The following RABGAP1L variants were observed in gnomAD, a reference collection of about 807,000 sequenced individuals.
RABGAP1L encodes rab GTPase-activating protein 1-like.
Under a neutral mutation model 137.7 loss-of-function variants are expected in RABGAP1L, and 63 were observed. The observed-to-expected ratio is 0.46, with a 90% CI of 0.37 to 0.56. The LOEUF (loss-of-function observed/expected upper bound fraction) is 0.56, where lower values mean the gene tolerates loss of function less well. Ranked by LOEUF, RABGAP1L falls within the 20% of genes least tolerant of loss-of-function variation. The pLI is 0.00. For synonymous variants in RABGAP1L, 431 were observed against 433.7 expected (o/e 0.99, Z 0.08); for missense variants, 1,095 against 1,244.0 (o/e 0.88, Z 1.80).
intron 14 of RABGAP1L, among the ~76,000 whole-genome samples, chr1:174,664,945 C>T (rs1331401999): frequency 6.6e-6 from 1 of 152,030 alleles, no homozygotes; most frequent in Non-Finnish European, 1.5e-5. Flanking sequence ...CCATGTTGGT[C>T]AGGCTGGTCT....
At chr1:174,311,052 T>C (rs892780159) in intron 11 of RABGAP1L, among the ~76,000 whole-genome samples, 1 of 152,100 alleles carries the variant, frequency 6.6e-6, no homozygotes, top group African/African-American at 2.4e-5. Flanking sequence ...CTGCAACCCA[T>C]CACTACTATT....
chr1:174,733,841 G>A (rs899780480), intron 17 of RABGAP1L, among the ~76,000 whole-genome samples: 4 of 152,178 alleles, frequency 2.6e-5, no homozygotes, highest in Non-Finnish European at 4.4e-5. Context: ...AGGCTGTGGG[G>A]GGTCAAGAGC....
At chr1:174,224,293 T>C (rs748688211) in intron 3 of RABGAP1L, among the ~76,000 whole-genome samples, 2 of 152,082 alleles carry the variant, frequency 1.3e-5, no homozygotes, top group Non-Finnish European at 2.9e-5. Context: ...CTGGCCAACA[T>C]GGTGACACCC....
chr1:174,949,898 C>T (rs1045642170), intron 19 of RABGAP1L, among the ~76,000 whole-genome samples: 3 of 152,180 alleles, frequency 2.0e-5, no homozygotes, highest in African/African-American at 7.2e-5. Flanking sequence ...GGGACCACAG[C>T]TTATACTAGA....
intron 14 of RABGAP1L, among the ~76,000 whole-genome samples, chr1:174,665,493 T>A (rs1291895228): frequency 6.7e-6 from 1 of 148,556 alleles, no homozygotes; most frequent in Non-Finnish European, 1.5e-5. Flanking sequence ...TCTTGCTCTG[T>A]TGCCCATGCT....
chr1:174,948,599 C>T (rs1013834140), intron 19 of RABGAP1L: 1 of 151,216 alleles, frequency 6.6e-6, no homozygotes, highest in Non-Finnish European at 1.5e-5. Context: ...CCCATTTTAC[C>T]TGATTTGATT....
rs543986961 is a variant in RABGAP1L, at chr1:174,991,191, A to G, written c.*1190A>G. 2 of 152,356 alleles carry G rather than the reference A, an allele frequency of 1.3e-5. No homozygotes were observed. The highest frequency in any genetic ancestry group is 4.1e-4 in the South Asian group (2 of 4,830). 9.4% of individuals were successfully genotyped at this position (152,356 alleles called of 1,614,324 possible). A position where few individuals can be genotyped will look rare whatever the true frequency, so the allele number is the denominator to read the frequency against. On this transcript the variant is annotated 3_prime_UTR_variant, in exon 26 of 26. Coordinates refer to ENST00000681986, the MANE Select transcript of RABGAP1L (RefSeq NM_001366446.1). Reference sequence around the variant, plus strand: ...AAAAATTAGTGGAAATATTTTTTCAATTATATTTAACATGCCTATAAAAAT... The same window carrying G: ...AAAAATTAGTGGAAATATTTTTTCAGTTATATTTAACATGCCTATAAAAAT...
At chr1:174,835,038 G>A (rs1221534900) in intron 19 of RABGAP1L, among the ~76,000 whole-genome samples, 1 of 152,132 alleles carries the variant, frequency 6.6e-6, no homozygotes, top group African/African-American at 2.4e-5. Context: ...ACTTGGATTA[G>A]AGGAAACTGG....
chr1:174,327,984 C>CATATATATATATGTGT (rs1314813386), intron 11 of RABGAP1L, among the ~76,000 whole-genome samples: 1 of 37,876 alleles, frequency 2.6e-5, no homozygotes, highest in African/African-American at 1.1e-4. Flanking sequence ...TATATACACA[C>CATATATATATATGTGT]ACATATATAT....
intron 11 of RABGAP1L, among the ~76,000 whole-genome samples, chr1:174,348,914 G>T (rs574945174): frequency 1.3e-5 from 2 of 152,174 alleles, no homozygotes; most frequent in African/African-American, 2.4e-5. Context: ...CGCCTTTCCC[G>T]CCTTTCTATT....
At chr1:174,686,721 A>T (rs1232245744) in intron 15 of RABGAP1L, among the ~76,000 whole-genome samples, 1 of 140,860 alleles carries the variant, frequency 7.1e-6, no homozygotes, top group Admixed American at 8.0e-5. Flanking sequence ...CAGTGGTGCA[A>T]TCTCAGCTCA....
chr1:174,573,752 T>G (rs1234695358), intron 13 of RABGAP1L, among the ~76,000 whole-genome samples: 1 of 118,888 alleles, frequency 8.4e-6, no homozygotes, highest in East Asian at 2.2e-4. Flanking sequence ...TAATAAACTA[T>G]TGAATGCAAA....
chr1:174,554,319 C>G (rs1666739038), intron 13 of RABGAP1L, among the ~76,000 whole-genome samples: 1 of 152,184 alleles, frequency 6.6e-6, no homozygotes, highest in Non-Finnish European at 1.5e-5. Context: ...GTTGAACCTA[C>G]TTAATCTGAA....
At chr1:174,895,041 G>A (rs1380826076) in intron 19 of RABGAP1L, among the ~76,000 whole-genome samples, 8 of 152,178 alleles carry the variant, frequency 5.3e-5, no homozygotes, top group Admixed American at 2.0e-4. Context: ...ACAGGCGTGA[G>A]CCACCGTGCC....
intron 18 of RABGAP1L, among the ~76,000 whole-genome samples, chr1:174,771,615 C>A (rs1317119976): frequency 6.6e-6 from 1 of 152,082 alleles, no homozygotes; most frequent in African/African-American, 2.4e-5. Flanking sequence ...ATATAAACAA[C>A]CCATTTGTTC....
intron 14 of RABGAP1L, among the ~76,000 whole-genome samples, chr1:174,673,350 T>A (rs1187330762): frequency 6.6e-6 from 1 of 152,094 alleles, no homozygotes; most frequent in Non-Finnish European, 1.5e-5. Flanking sequence ...GCAGAAAAAG[T>A]TAAAGGAGAA....
chr1:174,317,255 T>G (rs1679467388), intron 11 of RABGAP1L, among the ~76,000 whole-genome samples: 1 of 152,022 alleles, frequency 6.6e-6, no homozygotes, highest in Non-Finnish European at 1.5e-5. Context: ...TGTGCTGAGT[T>G]TCATCGGAAG....
At chr1:174,486,245 G>T (rs1659636812) in intron 13 of RABGAP1L, among the ~76,000 whole-genome samples, 1 of 130,012 alleles carries the variant, frequency 7.7e-6, no homozygotes, top group South Asian at 2.3e-4. Context: ...TTTTTGTCTG[G>T]CTAAATGTTT....
chr1:174,756,107 A>G (rs1384304649), intron 18 of RABGAP1L, among the ~76,000 whole-genome samples: 3 of 152,170 alleles, frequency 2.0e-5, no homozygotes, highest in Non-Finnish European at 4.4e-5. Flanking sequence ...TGCTATTGTT[A>G]GAGACAGAAT....
Sources: allele counts gnomAD v4.1 joint callset (sites outside exome capture counted in the v4.1 genomes callset), GRCh38; gene constraint gnomAD v4.1.1; transcripts MANE v1.5; gene names NCBI Gene and HGNC (gene_info 2026-07-23, HGNC 2026-07-21).